The following PSD3 variants were observed in gnomAD, a reference collection of about 807,000 sequenced individuals.
PSD3 encodes pleckstrin and Sec7 domain containing 3.
In PSD3, 49 loss-of-function variants were observed where a neutral mutation model predicts 105.5. The ratio of observed to expected loss-of-function variants is 0.46; its 90% CI spans 0.37 to 0.59. The LOEUF (loss-of-function observed/expected upper bound fraction) is 0.59. Ranked by LOEUF, PSD3 falls within the 20% of genes least tolerant of loss-of-function variation. PSD3 has a pLI of 0.00. For missense variants in PSD3, 1,561 were observed against 1,263.8 expected (o/e 1.24, Z -3.57); for synonymous variants, 557 against 457.8 (o/e 1.22, Z -2.77).
chr8:18,743,373 G>A (rs1226054513), intron 9 of PSD3, among the ~76,000 whole-genome samples: 1 of 152,098 alleles, frequency 6.6e-6, no homozygotes, highest in East Asian at 1.9e-4. Context: ...ATGAACGGAT[G>A]GGAAAACAGA....
rs1005725051 is a variant in PSD3 at position 18,534,951 on chromosome 8, A to G, written c.*792T>C. The G allele has an allele frequency of 6.6e-6, 1 of 152,618 alleles. No homozygotes were observed. Among genetic ancestry groups the G allele is most frequent in the Non-Finnish European group, 1.5e-5 (1 of 68,042 alleles). 9.5% of individuals were successfully genotyped at this position (152,618 alleles called of 1,614,324 possible). A position where few individuals can be genotyped will look rare whatever the true frequency, so the allele number is the denominator to read the frequency against. ...ATTCCTGCAGACTGAGCACATGCCT[A>G]CTGCTGCAGCTCCTCAAGGGCCGAT... On this transcript the variant is annotated 3_prime_UTR_variant, in exon 16 of 16. Transcript: ENST00000327040.
intron 7 of PSD3, among the ~76,000 whole-genome samples, chr8:18,799,818 C>T (rs1386693): frequency 0.89 from 134,761 of 152,216 alleles, 59,853 homozygotes; most frequent in Non-Finnish European, 0.92. Context: ...TTTCCAAACA[C>T]TACAATTAGT....
chr8:18,629,189 A>G (rs1310811138), intron 11 of PSD3, among the ~76,000 whole-genome samples: 2 of 149,236 alleles, frequency 1.3e-5, no homozygotes, highest in Admixed American at 6.7e-5. Context: ...GAATATAACC[A>G]GGGGTGTCGG....
Position 18,710,141 on chromosome 8 carries a change from G to T in PSD3, c.2173-54456C>A, listed in dbSNP as rs1250532006. Among the ~76,000 whole-genome samples the T allele has an allele frequency of 2.0e-5, 3 of 152,252 alleles. No individual in the cohort carries two copies. In the East Asian group the frequency reaches 5.8e-4, roughly 29 times the overall value. On this transcript the variant is annotated intron_variant, in intron 9 of 15. Transcript: ENST00000327040. Reference sequence around the variant, plus strand: ...TTAACCAGAATAACCCGTTTAGAGAGGAACATAAATGACCTCATGGAGCTG... The same window carrying T: ...TTAACCAGAATAACCCGTTTAGAGATGAACATAAATGACCTCATGGAGCTG...
In PSD3 at chr8:18,867,690, T is replaced by C. The variant is rs370904457; in HGVS notation, c.1618A>G (p.Ile540Val). 4 of 1,610,502 alleles carry C rather than the reference T, an allele frequency of 2.5e-6. No individual in the cohort carries two copies. Among genetic ancestry groups the C allele is most frequent in the Non-Finnish European group, 3.4e-6 (4 of 1,177,588 alleles). The change falls in exon 4 of 16, where the codon ATT becomes GTT. Residue 540 changes from isoleucine to valine, a missense_variant. By Grantham distance (29) the Ile-to-Val change is conservative. Transcript: ENST00000327040. ...DSIYTKGTPE[I>V]AFWGSNAGVK... Reference sequence around the variant, plus strand: ...GACGAGTACCTTCCCCAGAAAGCAATCTCCGGGGTGCCTTTCGTGTAGATG... The same window carrying C: ...GACGAGTACCTTCCCCAGAAAGCAACCTCCGGGGTGCCTTTCGTGTAGATG...
intron 9 of PSD3, among the ~76,000 whole-genome samples, chr8:18,725,164 C>A: frequency 6.6e-6 from 1 of 152,296 alleles, no homozygotes; most frequent in Non-Finnish European, 1.5e-5. Flanking sequence ...TAAGCCTCTA[C>A]TCCAATCCAC....
Position 18,555,964 on chromosome 8 carries a change from T to C in PSD3, c.2928+245A>G, listed in dbSNP as rs977629978. Among the ~76,000 whole-genome samples, 3 of 152,198 alleles carry C rather than the reference T, an allele frequency of 2.0e-5. No homozygotes were observed. The South Asian group carries it at 6.2e-4, about 31-fold the overall frequency. On this transcript the variant is annotated intron_variant, in intron 15 of 15. Transcript: ENST00000327040. ...TTCCCCTCACAGCGGGCGCACACTA[T>C]TCCAACCAGGCAGGCTATTTACTTT...
At chr8:18,755,463 A>ATAACATAACG (rs1805954835) in intron 9 of PSD3, among the ~76,000 whole-genome samples, 1 of 151,962 alleles carries the variant, frequency 6.6e-6, no homozygotes, top group African/African-American at 2.4e-5. Context: ...ATAACATAAC[A>ATAACATAACG]TAACATAACA....
At chr8:19,075,051 C>CT (rs1829421839) in intron 1 of PSD3, among the ~76,000 whole-genome samples, 1 of 151,366 alleles carries the variant, frequency 6.6e-6, no homozygotes, top group Non-Finnish European at 1.5e-5. Context: ...GTTCAAGCAA[C>CT]TTTCCTGCCT....
intron 2 of PSD3, among the ~76,000 whole-genome samples, chr8:18,917,250 T>C (rs750883770): frequency 6.6e-5 from 10 of 152,204 alleles, no homozygotes; most frequent in Non-Finnish European, 1.2e-4. Flanking sequence ...CTGCACTACT[T>C]TCAGGCAGAG....
In PSD3 at chr8:18,640,649, T is replaced by G. The variant is rs538646647; in HGVS notation, c.2217-7843A>C. 1.2e-4 allele frequency among the ~76,000 whole-genome samples: 18 copies of G among 152,308 alleles called. No individual in the cohort carries two copies. In the South Asian group the frequency reaches 3.7e-3, roughly 32 times the overall value. On this transcript the variant is annotated intron_variant, in intron 10 of 15. Coordinates refer to ENST00000327040, the MANE Select transcript of PSD3 (RefSeq NM_015310.4). The stretch of plus-strand genomic sequence containing the variant: ...CACCTCTGCGGAACTGTGAGTCAAT[T>G]AAACCTCTTTCCTTTATAAATTACC...
chr8:18,609,195 G>T (rs1327107782), intron 11 of PSD3, among the ~76,000 whole-genome samples: 3 of 152,302 alleles, frequency 2.0e-5, no homozygotes. Context: ...TCAGAGTAGA[G>T]AGAGAGAATT....
At chr8:19,078,941 G>T (rs896794771) in intron 1 of PSD3, among the ~76,000 whole-genome samples, 1 of 150,766 alleles carries the variant, frequency 6.6e-6, no homozygotes, top group African/African-American at 2.4e-5. Flanking sequence ...TATTGGAGTT[G>T]CATTGAGCCC....
chr8:18,591,642 GCA>G lies in PSD3; in HGVS notation c.2481+8720_2481+8721del, dbSNP rs1803616378. On this transcript the variant is annotated intron_variant, in intron 12 of 15. Coordinates refer to ENST00000327040, the MANE Select transcript of PSD3 (RefSeq NM_015310.4). ...AGAGACAGGTGGCTTGCTGTGGCTGGCACACTTAGTGTACTTGATTTCTCCCT... is the reference window on the plus strand; with the variant it reads ...AGAGACAGGTGGCTTGCTGTGGCTGGCACTTAGTGTACTTGATTTCTCCCT... Among the ~76,000 whole-genome samples, 3 of 152,108 alleles carry G rather than the reference GCA, an allele frequency of 2.0e-5. No individual in the cohort carries two copies. In the South Asian group the frequency reaches 6.2e-4, roughly 31 times the overall value.
At chr8:18,736,688 G>A (rs539581702) in intron 9 of PSD3, among the ~76,000 whole-genome samples, 102 of 152,112 alleles carry the variant, frequency 6.7e-4, no homozygotes, top group African/African-American at 2.3e-3. Context: ...CGGAAATAAT[G>A]GTGCACAAAA....
intron 2 of PSD3, among the ~76,000 whole-genome samples, chr8:18,907,984 A>G (rs1432192253): frequency 6.6e-6 from 1 of 152,246 alleles, no homozygotes; most frequent in Non-Finnish European, 1.5e-5. Context: ...TTAAGTATGC[A>G]ACGTGAAATG....
At chr8:18,710,175 A>G (rs888933891) in intron 9 of PSD3, among the ~76,000 whole-genome samples, 1 of 152,190 alleles carries the variant, frequency 6.6e-6, no homozygotes, top group African/African-American at 2.4e-5. Context: ...TGAAACACAC[A>G]ACACGAGAAC....
chr8:18,689,779 G>A (rs1054241751), intron 9 of PSD3, among the ~76,000 whole-genome samples: 36 of 152,176 alleles, frequency 2.4e-4, no homozygotes, highest in African/African-American at 8.4e-4. Context: ...GGCTAGTGCT[G>A]CTGTTATAAA....
At chr8:19,082,346 C>T (rs749608831) in intron 1 of PSD3, among the ~76,000 whole-genome samples, 23 of 152,172 alleles carry the variant, frequency 1.5e-4, no homozygotes, top group Non-Finnish European at 2.9e-4. Context: ...TTGGCTTCTC[C>T]TCTTTTCTCC....
Sources: gnomAD v4.1 joint callset for allele counts (sites outside exome capture counted in the v4.1 genomes callset) on GRCh38, gnomAD v4.1.1 for gene constraint, MANE v1.5 for transcripts, NCBI Gene and HGNC (gene_info 2026-07-23, HGNC 2026-07-21) for gene names.